FOXP2: variants seen among roughly 807,000 people sequenced by gnomAD.
FOXP2 encodes the protein forkhead box protein P2.
A neutral mutation model predicts 115.8 loss-of-function variants in FOXP2; 12 were observed. The observed-to-expected ratio is 0.10, with a 90% CI of 0.07 to 0.17. FOXP2 has a LOEUF of 0.17. Ranked by LOEUF, FOXP2 falls within the 10% of genes least tolerant of loss-of-function variation. The pLI is 1.00. For missense variants in FOXP2, 629 were observed against 843.5 expected (o/e 0.75, Z 3.15); for synonymous variants, 328 against 297.7 (o/e 1.10, Z -1.05).
chr7:114,249,000 G>A (rs1313092372), intron 1 of FOXP2, among the ~76,000 whole-genome samples: 2 of 152,070 alleles, frequency 1.3e-5, no homozygotes, highest in East Asian at 3.9e-4. Flanking sequence ...TTGTGTTCCA[G>A]ATATTCTTTT....
At chr7:114,205,211 A>G (rs1231823637) in intron 1 of FOXP2, among the ~76,000 whole-genome samples, 5 of 152,140 alleles carry the variant, frequency 3.3e-5, no homozygotes, top group Non-Finnish European at 7.4e-5. Context: ...ATGACCGTGA[A>G]TTTCTTGAGG....
intron 2 of FOXP2, among the ~76,000 whole-genome samples, chr7:114,488,753 C>A (rs977367586): frequency 3.9e-5 from 6 of 152,114 alleles, no homozygotes; most frequent in African/African-American, 1.2e-4. Flanking sequence ...GGACACATTG[C>A]AAAATTCAAG....
Position 114,637,533 on chromosome 7 carries a change from T to G in FOXP2, c.776-4877T>G, listed in dbSNP as rs892870196. 5.3e-5 allele frequency among the ~76,000 whole-genome samples: 8 copies of G among 152,284 alleles called. No homozygotes were observed. In the East Asian group the frequency reaches 1.5e-3, roughly 29 times the overall value. Reference sequence around the variant, plus strand: ...GTGTTCTGGCCAAATTTTAAAACTCTTTCAAGTAACATTCTTTGAGCTTTC... The same window carrying G: ...GTGTTCTGGCCAAATTTTAAAACTCGTTCAAGTAACATTCTTTGAGCTTTC... On this transcript the variant is annotated intron_variant, in intron 6 of 16. Coordinates refer to ENST00000350908, the MANE Select transcript of FOXP2 (RefSeq NM_014491.4).
chr7:114,481,057 A>G (rs1482182133), intron 2 of FOXP2, among the ~76,000 whole-genome samples: 1 of 151,362 alleles, frequency 6.6e-6, no homozygotes, highest in African/African-American at 2.4e-5. Context: ...ATGTGTTGCT[A>G]GAAACAACCT....
At chr7:114,605,516 G>A (rs1254119542) in intron 3 of FOXP2, among the ~76,000 whole-genome samples, 1 of 152,130 alleles carries the variant, frequency 6.6e-6, no homozygotes, top group Non-Finnish European at 1.5e-5. Context: ...TGAGATAAAT[G>A]TAATAGAAGG....
At chr7:114,328,429 G>A (rs971593235) in intron 2 of FOXP2, among the ~76,000 whole-genome samples, 3 of 151,872 alleles carry the variant, frequency 2.0e-5, no homozygotes, top group Non-Finnish European at 4.4e-5. Flanking sequence ...GTAGAGACAG[G>A]GTTTCACCGT....
At chr7:114,550,799 T>G (rs1464669672) in intron 3 of FOXP2, among the ~76,000 whole-genome samples, 4 of 152,218 alleles carry the variant, frequency 2.6e-5, no homozygotes, top group Non-Finnish European at 5.9e-5. Context: ...TAATTTACAG[T>G]ATCATGCTAA....
chr7:114,196,719 T>A (rs1216866521), intron 1 of FOXP2, among the ~76,000 whole-genome samples: 4 of 152,214 alleles, frequency 2.6e-5, no homozygotes, highest in Non-Finnish European at 5.9e-5. Flanking sequence ...ACACTGTGGG[T>A]ATGCGATCTG....
chr7:114,411,222 G>A (rs115962507), upstream of FOXP2, among the ~76,000 whole-genome samples: 1,099 of 152,166 alleles, frequency 7.2e-3, 15 homozygotes, highest in African/African-American at 0.025. Context: ...TTGGATTACT[G>A]TAATGGTATG....
chr7:114,205,453 G>A (rs1206023848), intron 1 of FOXP2, among the ~76,000 whole-genome samples: 1 of 152,130 alleles, frequency 6.6e-6, no homozygotes, highest in Non-Finnish European at 1.5e-5. Context: ...AGCTTCATGA[G>A]TATCACTACA....
At chr7:114,291,700 T>C (rs1168224284) in intron 2 of FOXP2, among the ~76,000 whole-genome samples, 1 of 151,178 alleles carries the variant, frequency 6.6e-6, no homozygotes, top group East Asian at 1.9e-4. Context: ...AGGACTGAGA[T>C]CCTTAGCCTC....
intron 3 of FOXP2, among the ~76,000 whole-genome samples, chr7:114,539,640 A>G (rs942264438): frequency 6.6e-6 from 1 of 152,056 alleles, no homozygotes; most frequent in Non-Finnish European, 1.5e-5. Flanking sequence ...ATTCCAGTGA[A>G]GAACATTTCT....
At chr7:114,662,252 T>G in intron 14 of FOXP2, 66 bp downstream of exon 14, 2 of 1,603,192 alleles carry the variant, frequency 1.2e-6, no homozygotes, top group South Asian at 2.2e-5. Context: ...TACTTTAAGT[T>G]GGGGCTGGGG....
At chr7:114,474,576 C>T (rs1035231594) in intron 2 of FOXP2, among the ~76,000 whole-genome samples, 5 of 151,980 alleles carry the variant, frequency 3.3e-5, no homozygotes, top group Non-Finnish European at 7.4e-5. Flanking sequence ...CACTTTTAAC[C>T]CAATTGAATA....
At chr7:114,546,640 C>T (rs1032677813) in intron 3 of FOXP2, among the ~76,000 whole-genome samples, 2 of 151,870 alleles carry the variant, frequency 1.3e-5, no homozygotes, top group African/African-American at 4.8e-5. Context: ...ACTTTGAGGC[C>T]CCTAATCCCT....
chr7:114,448,721 G>C (rs1020449560), intron 2 of FOXP2, among the ~76,000 whole-genome samples: 6 of 152,016 alleles, frequency 3.9e-5, no homozygotes, highest in African/African-American at 1.2e-4. Context: ...AGTTTGTGAG[G>C]GTAAACTCGG....
chr7:114,209,271 T>G (rs1408889349), intron 1 of FOXP2, among the ~76,000 whole-genome samples: 1 of 152,194 alleles, frequency 6.6e-6, no homozygotes, highest in Non-Finnish European at 1.5e-5. Flanking sequence ...ATTGTAAGTT[T>G]CCTGCGGCCT....
chr7:114,108,080 C>T (rs1791169545), intron 1 of FOXP2, among the ~76,000 whole-genome samples: 1 of 151,868 alleles, frequency 6.6e-6, no homozygotes, highest in East Asian at 1.9e-4. Flanking sequence ...AAAAGTTTTT[C>T]CCTGCATCTT....
intron 2 of FOXP2, among the ~76,000 whole-genome samples, chr7:114,309,597 G>A (rs1364036404): frequency 2.6e-5 from 4 of 152,078 alleles, no homozygotes; most frequent in African/African-American, 9.7e-5. Context: ...GGCACCTTTA[G>A]GAATGACTCA....
Sources: allele counts gnomAD v4.1 joint callset (sites outside exome capture counted in the v4.1 genomes callset), GRCh38; gene constraint gnomAD v4.1.1; transcripts MANE v1.5; gene names NCBI Gene and HGNC (gene_info 2026-07-23, HGNC 2026-07-21).